Variants in SETBP1 observed in about 807,000 individuals in gnomAD.
SETBP1 encodes SET-binding protein.
In SETBP1, 9 loss-of-function variants were observed where a neutral mutation model predicts 101.0. The ratio of observed to expected loss-of-function variants is 0.09; its 90% CI spans 0.05 to 0.16. SETBP1 has a LOEUF of 0.16. Ranked by LOEUF, SETBP1 falls within the 10% of genes least tolerant of loss-of-function variation. The pLI is 1.00. For missense variants in SETBP1, 1,858 were observed against 2,033.8 expected (o/e 0.91, Z 1.66); for synonymous variants, 818 against 788.5 (o/e 1.04, Z -0.63).
In SETBP1 at chr18:44,701,377, C is replaced by G. The variant is rs776221622; in HGVS notation, c.31C>G (p.Arg11Gly). The G allele has an allele frequency of 2.6e-6, 4 of 1,533,380 alleles. No homozygotes were observed. The highest frequency in any genetic ancestry group is 3.5e-6 in the Non-Finnish European group (4 of 1,137,058). The allele number at this position is 1,533,380 out of a possible 1,614,324, so 95.0% of individuals were successfully genotyped here. A position where few individuals can be genotyped will look rare whatever the true frequency, so the allele number is the denominator to read the frequency against. The change falls in exon 2 of 6, where the codon CGG becomes GGG. Residue 11 changes from arginine (R) to glycine (G), a missense_variant. This residue lies in a region of SETBP1 where 97 missense variants were observed against 101.2 expected (regional missense o/e 0.96). Transcript: ENST00000649279. ...GTCCAGGGAAACCTTAAGCAGCTCC[C>G]GGCAAAGAGGGGGCGAGTCAGACTT... is the stretch of plus-strand genomic sequence containing the variant. Reference protein sequence around the residue: MESRETLSSSRQRGGESDFLP... With the variant: MESRETLSSSGQRGGESDFLP...
intron 3 of SETBP1, among the ~76,000 whole-genome samples, chr18:44,901,339 AG>A (rs1261927812): frequency 6.6e-6 from 1 of 152,186 alleles, no homozygotes; most frequent in African/African-American, 2.4e-5. Context: ...AAAAGTTGAA[AG>A]AAAAATAAAG....
intron 3 of SETBP1, among the ~76,000 whole-genome samples, chr18:44,872,909 T>G (rs533645132): frequency 6.6e-6 from 1 of 152,244 alleles, no homozygotes; most frequent in Admixed American, 6.5e-5. Context: ...GGTCCTCACC[T>G]GCTACATAAA....
chr18:44,819,858 C>A (rs140911033), intron 2 of SETBP1, among the ~76,000 whole-genome samples: 1 of 152,192 alleles, frequency 6.6e-6, no homozygotes, highest in Non-Finnish European at 1.5e-5. Flanking sequence ...TACATGGACA[C>A]CTCTTGAAGA....
At chr18:45,047,313 C>T (rs1332698119) in intron 5 of SETBP1, among the ~76,000 whole-genome samples, 2 of 152,176 alleles carry the variant, frequency 1.3e-5, no homozygotes, top group African/African-American at 4.8e-5. Context: ...AATATTCAAG[C>T]TTCTCTTTAT....
rs577588910 is a variant in SETBP1, at chr18:44,813,276, C to T, written c.487-55954C>T. On this transcript the variant is annotated intron_variant, in intron 2 of 5. Coordinates refer to ENST00000649279, the MANE Select transcript of SETBP1 (RefSeq NM_015559.3). ...GATACCCTATGGTGATGGCTCCTCC[C>T]CATGTTTTTACATGGCAGAAGATAT... Among the ~76,000 whole-genome samples the T allele has an allele frequency of 1.2e-3, 189 of 152,300 alleles. 1 individual carries two copies. The highest frequency in any genetic ancestry group is 2.1e-4 in the Non-Finnish European group (14 of 68,028).
chr18:45,049,533 A>T (rs891060891), intron 5 of SETBP1, among the ~76,000 whole-genome samples: 3 of 152,188 alleles, frequency 2.0e-5, no homozygotes, highest in African/African-American at 7.2e-5. Flanking sequence ...TGAAACTGTC[A>T]TCTTTGGGCT....
chr18:44,841,992 C>T (rs1443007449), intron 2 of SETBP1, among the ~76,000 whole-genome samples: 2 of 152,204 alleles, frequency 1.3e-5, no homozygotes, highest in African/African-American at 4.8e-5. Flanking sequence ...TTGATAAAAG[C>T]CATTTAAAGC....
intron 4 of SETBP1, among the ~76,000 whole-genome samples, chr18:44,969,908 G>A (rs62090479): frequency 0.013 from 2,005 of 152,238 alleles, 24 homozygotes; most frequent in Non-Finnish European, 0.021. Flanking sequence ...TTAGGTGTAG[G>A]TGCACCTGGA....
chr18:44,995,428 A>G (rs1410009821), intron 4 of SETBP1, among the ~76,000 whole-genome samples: 1 of 152,038 alleles, frequency 6.6e-6, no homozygotes, highest in Admixed American at 6.5e-5. Flanking sequence ...GGCGTGAGCC[A>G]CTGCGCCCAG....
intron 2 of SETBP1, among the ~76,000 whole-genome samples, chr18:44,830,050 G>A (rs1023091609): frequency 6.6e-6 from 1 of 152,154 alleles, no homozygotes; most frequent in African/African-American, 2.4e-5. Flanking sequence ...TCCTCTGCAT[G>A]TTAGTAAAAA....
intron 1 of SETBP1, among the ~76,000 whole-genome samples, chr18:44,691,809 C>T (rs2068938469): frequency 6.6e-6 from 1 of 152,126 alleles, no homozygotes; most frequent in African/African-American, 2.4e-5. Context: ...AGGCTCAGTA[C>T]CTGGGAATGT....
rs560890388 is a variant in SETBP1 at position 45,013,120 on chromosome 18, G to C, written c.4001-25365G>C. On this transcript the variant is annotated intron_variant, in intron 4 of 5. Transcript: ENST00000649279. Reference sequence around the variant, plus strand: ...ACACAAACTCCAGGTTGAGCCCCGTGGTGTCTGCACAGTAGAGAGCAGGAT... The same window carrying C: ...ACACAAACTCCAGGTTGAGCCCCGTCGTGTCTGCACAGTAGAGAGCAGGAT... Among the ~76,000 whole-genome samples the C allele has an allele frequency of 3.3e-5, 5 of 152,354 alleles. No individual in the cohort carries two copies. The South Asian group carries it at 1.0e-3, about 32-fold the overall frequency.
intron 5 of SETBP1, among the ~76,000 whole-genome samples, chr18:45,039,729 T>C (rs1416198989): frequency 6.6e-6 from 1 of 152,258 alleles, no homozygotes; most frequent in African/African-American, 2.4e-5. Context: ...TCATTCTTAA[T>C]ATTTAGTCCA....
intron 2 of SETBP1, among the ~76,000 whole-genome samples, chr18:44,854,840 G>A (rs144709942): frequency 4.9e-4 from 74 of 152,158 alleles, no homozygotes; most frequent in African/African-American, 1.8e-3. Context: ...ATACCTCTTA[G>A]CTCTGACCTA....
intron 4 of SETBP1, among the ~76,000 whole-genome samples, chr18:44,984,394 C>T (rs956686574): frequency 2.0e-5 from 3 of 152,098 alleles, no homozygotes; most frequent in African/African-American, 7.2e-5. Context: ...CAAGCTAGAT[C>T]CCTCACATGG....
At chr18:44,912,455 T>C (rs1036594788) in intron 3 of SETBP1, among the ~76,000 whole-genome samples, 4 of 152,166 alleles carry the variant, frequency 2.6e-5, no homozygotes, top group Non-Finnish European at 5.9e-5. Flanking sequence ...TGAGCACACC[T>C]GTCTACATAT....
chr18:44,980,806 G>A (rs570938017), intron 4 of SETBP1, among the ~76,000 whole-genome samples: 1 of 152,272 alleles, frequency 6.6e-6, no homozygotes, highest in Admixed American at 6.5e-5. Context: ...GTAAGAGGTT[G>A]CAAAGCATGG....
intron 2 of SETBP1, among the ~76,000 whole-genome samples, chr18:44,703,348 G>GTTTTTTTTTTTTTTTTTTTT (rs531974601): frequency 1.6e-4 from 8 of 51,446 alleles, no homozygotes; most frequent in East Asian, 7.2e-4. Flanking sequence ...TTACCATTAG[G>GTTTTTTTTTTTTTTTTTTTT]TTTTTTTTTT....
chr18:44,806,941 G>GT (rs1446650509), intron 2 of SETBP1, among the ~76,000 whole-genome samples: 1 of 151,884 alleles, frequency 6.6e-6, no homozygotes, highest in African/African-American at 2.4e-5. Flanking sequence ...AACTTTACAT[G>GT]TAGATTTACC....
Sources: gnomAD v4.1 joint callset for allele counts (sites outside exome capture counted in the v4.1 genomes callset) on GRCh38, gnomAD v4.1.1 for gene constraint, gnomAD v4.1.1 regional missense constraint, MANE v1.5 for transcripts, NCBI Gene and HGNC (gene_info 2026-07-23, HGNC 2026-07-21) for gene names.